The following CTIF variants were observed in gnomAD, a reference collection of about 807,000 sequenced individuals.
CTIF encodes cap binding complex dependent translation initiation factor.
A neutral mutation model predicts 66.0 loss-of-function variants in CTIF; 21 were observed. That is an observed-to-expected ratio of 0.32 (90% CI 0.23 to 0.46). The LOEUF (loss-of-function observed/expected upper bound fraction) is 0.46, where lower values mean the gene tolerates loss of function less well. Ranked by LOEUF, CTIF falls within the 20% of genes least tolerant of loss-of-function variation. The pLI is 1.00. For synonymous variants in CTIF, 345 were observed against 326.4 expected, an observed-to-expected ratio of 1.06 and a Z score of -0.62; for missense variants, 739 against 812.7, an observed-to-expected ratio of 0.91 and a Z score of 1.10.
intron 6 of CTIF, among the ~76,000 whole-genome samples, chr18:48,678,242 GA>G (rs984346397): frequency 6.6e-6 from 1 of 151,936 alleles, no homozygotes; most frequent in Non-Finnish European, 1.5e-5. Flanking sequence ...AAAATGGAAA[GA>G]AAAAAAGAGA....
intron 7 of CTIF, among the ~76,000 whole-genome samples, chr18:48,712,113 T>C (rs915422545): frequency 6.6e-6 from 1 of 152,128 alleles, no homozygotes; most frequent in African/African-American, 2.4e-5. Flanking sequence ...TGCAAGAGTA[T>C]CTGTTTTCCT....
chr18:48,633,823 T>A (rs1483710350), intron 2 of CTIF, among the ~76,000 whole-genome samples: 1 of 152,178 alleles, frequency 6.6e-6, no homozygotes, highest in African/African-American at 2.4e-5. Flanking sequence ...TTGGAATTAT[T>A]TTAGACTTAT....
At chr18:48,601,837 T>C (rs8091607) in intron 1 of CTIF, among the ~76,000 whole-genome samples, 1,744 of 152,272 alleles carry the variant, frequency 0.011, 30 homozygotes, top group African/African-American at 0.04. Context: ...GGATGAGAAA[T>C]AAAAGACATT....
At chr18:48,582,026 T>G (rs113634174) in intron 1 of CTIF, among the ~76,000 whole-genome samples, 2 of 151,888 alleles carry the variant, frequency 1.3e-5, no homozygotes, top group African/African-American at 4.8e-5. Flanking sequence ...AGGGAGGATG[T>G]CACTGTATTC....
At chr18:48,744,342 A>T (rs1024848959) in intron 7 of CTIF, among the ~76,000 whole-genome samples, 2 of 152,134 alleles carry the variant, frequency 1.3e-5, no homozygotes, top group African/African-American at 4.8e-5. Flanking sequence ...CTTAAGAAAA[A>T]TTGCCACCAA....
In CTIF at chr18:48,796,469, C is replaced by A. The variant is rs147621593; in HGVS notation, c.1372-20752C>A. ...GGGATTACAGGTGTGAGCCACCACA[C>A]CTGGCCTGAATGCCCAGTTTTGAAG... On this transcript the variant is annotated intron_variant, in intron 9 of 11. Transcript: ENST00000256413. 8.9e-4 allele frequency among the ~76,000 whole-genome samples: 135 copies of A among 152,332 alleles called. 1 individual carries two copies. Among genetic ancestry groups the A allele is most frequent in the African/African-American group, 3.0e-3 (125 of 41,578 alleles).
intron 7 of CTIF, among the ~76,000 whole-genome samples, chr18:48,736,153 G>A (rs59732211): frequency 0.033 from 4,983 of 152,228 alleles, 271 homozygotes; most frequent in African/African-American, 0.11. Flanking sequence ...ACTGAGTCAA[G>A]ACCTGGTCAG....
chr18:48,575,485 C>T (rs1282267485), intron 1 of CTIF, among the ~76,000 whole-genome samples: 1 of 152,228 alleles, frequency 6.6e-6, no homozygotes, highest in Non-Finnish European at 1.5e-5. Context: ...CTTTTGCCTT[C>T]AGGGGTTTAA....
chr18:48,802,410 G>A (rs188456793), intron 9 of CTIF, among the ~76,000 whole-genome samples: 1 of 152,346 alleles, frequency 6.6e-6, no homozygotes, highest in East Asian at 1.9e-4. Flanking sequence ...CTCCTCTGAG[G>A]ACCTGGAGGG....
chr18:48,666,728 G>A (rs949196876), intron 5 of CTIF, among the ~76,000 whole-genome samples: 1 of 152,170 alleles, frequency 6.6e-6, no homozygotes, highest in Non-Finnish European at 1.5e-5. Context: ...GAGAGACACA[G>A]CTGCAAGGCT....
chr18:48,758,380 G>A lies in CTIF; in HGVS notation c.1046G>A (p.Arg349Lys). ...ACCCTGCTCCAGTCTTCCAAAGACA[G>A]ACTGCGGCGAAGGCTAAAGGAAAAG... ...KITLLQSSKD[R>K]LRRRLKEKDE... Residue 349 changes from arginine to lysine, a missense_variant, in exon 8 of 12, where the codon AGA (arginine) becomes AAA (lysine). This residue lies in a region of CTIF where 529 missense variants were observed against 520.3 expected (regional missense o/e 1.02). Coordinates refer to ENST00000256413, the MANE Select transcript of CTIF (RefSeq NM_014772.3). The A allele has an allele frequency of 6.3e-7, 1 of 1,594,922 alleles. No individual in the cohort carries two copies. The highest frequency in any genetic ancestry group is 8.5e-7 in the Non-Finnish European group (1 of 1,170,444).
chr18:48,818,866 G>A (rs1032007191), intron 10 of CTIF, among the ~76,000 whole-genome samples: 1 of 152,146 alleles, frequency 6.6e-6, no homozygotes, highest in Non-Finnish European at 1.5e-5. Flanking sequence ...GGTGTCAGCG[G>A]AGGTGAGGAC....
chr18:48,711,595 C>A, intron 6 of CTIF, 24 bp from the exon 7 acceptor site: 1 of 1,601,134 alleles, frequency 6.2e-7, no homozygotes, highest in Non-Finnish European at 8.6e-7. Flanking sequence ...ACTAATGATC[C>A]CCCTTCCTCC....
chr18:48,757,367 T>C (rs1568192009), intron 7 of CTIF, among the ~76,000 whole-genome samples: 1 of 151,936 alleles, frequency 6.6e-6, no homozygotes, highest in African/African-American at 2.4e-5. Context: ...AGTTTGTGGG[T>C]TTGGGGGTGA....
At chr18:48,832,935 G>A (rs1422440799) in intron 10 of CTIF, among the ~76,000 whole-genome samples, 1 of 152,190 alleles carries the variant, frequency 6.6e-6, no homozygotes, top group Non-Finnish European at 1.5e-5. Context: ...TGCTGAGTCT[G>A]GGGGGCGGAG....
chr18:48,814,542 C>T (rs369550401), intron 9 of CTIF, among the ~76,000 whole-genome samples: 5 of 152,126 alleles, frequency 3.3e-5, no homozygotes, highest in Admixed American at 3.3e-4. Flanking sequence ...TTAGTTGTCC[C>T]CATTTTAAAA....
intron 10 of CTIF, among the ~76,000 whole-genome samples, chr18:48,854,815 C>T (rs954391920): frequency 1.3e-5 from 2 of 152,170 alleles, no homozygotes; most frequent in African/African-American, 4.8e-5. Flanking sequence ...CCCATCTACG[C>T]AGGAGGCTGA....
intron 2 of CTIF, 44 bp from the exon 3 acceptor site, chr18:48,636,570 C>A: frequency 6.9e-7 from 1 of 1,440,092 alleles, no homozygotes; most frequent in Non-Finnish European, 9.2e-7. Context: ...TGAGCATGGG[C>A]CTGGCTGTCC....
At chr18:48,818,629 C>A (rs561288536) in intron 10 of CTIF, among the ~76,000 whole-genome samples, 1 of 152,088 alleles carries the variant, frequency 6.6e-6, no homozygotes, top group East Asian at 1.9e-4. Context: ...CCAAATGGAA[C>A]CACGCAGGAA....
Sources: allele counts gnomAD v4.1 joint callset (sites outside exome capture counted in the v4.1 genomes callset), GRCh38; gene constraint gnomAD v4.1.1; regional missense constraint gnomAD v4.1.1; transcripts MANE v1.5; gene names NCBI Gene and HGNC (gene_info 2026-07-23, HGNC 2026-07-21).